Variants in TCERG1L observed in about 807,000 individuals in gnomAD.
TCERG1L encodes the protein transcription elongation regulator 1 like.
In TCERG1L, 37 loss-of-function variants were observed where a neutral mutation model predicts 56.3. The observed-to-expected ratio is 0.66, with a 90% confidence interval of 0.51 to 0.87. The LOEUF (loss-of-function observed/expected upper bound fraction) is 0.87, where lower values mean the gene tolerates loss of function less well. Among genes scored for constraint, TCERG1L ranks in the 40% least tolerant of loss-of-function variants. The pLI, the probability that TCERG1L is intolerant of heterozygous loss-of-function variation, is 0.00. For missense variants in TCERG1L, 799 were observed against 774.2 expected, an observed-to-expected ratio of 1.03 and a Z score of -0.38; for synonymous variants, 324 against 326.3, an observed-to-expected ratio of 0.99 and a Z score of 0.08.
At chr10:131,273,684 A>C (rs1846363726) in intron 3 of TCERG1L, among the ~76,000 whole-genome samples, 1 of 152,072 alleles carries the variant, frequency 6.6e-6, no homozygotes, top group Non-Finnish European at 1.5e-5. Flanking sequence ...GACGCTGCCC[A>C]CACCTACCCC....
intron 4 of TCERG1L, among the ~76,000 whole-genome samples, chr10:131,253,942 C>T (rs968081782): frequency 1.3e-5 from 2 of 151,906 alleles, no homozygotes; most frequent in African/African-American, 2.4e-5. Flanking sequence ...AGAGAATTGC[C>T]GGCGATGATA....
At chr10:131,205,599 G>T (rs752287738) in intron 4 of TCERG1L, among the ~76,000 whole-genome samples, 1 of 152,158 alleles carries the variant, frequency 6.6e-6, no homozygotes, top group Non-Finnish European at 1.5e-5. Context: ...CCCTGGGGAC[G>T]TGGAGGTAAA....
At chr10:131,115,053 A>G (rs537625317) in intron 9 of TCERG1L, among the ~76,000 whole-genome samples, 45 of 152,308 alleles carry the variant, frequency 3.0e-4, no homozygotes, top group African/African-American at 1.0e-3. Flanking sequence ...CTCTCGCCCA[A>G]TGACACCCCT....
At chr10:131,270,481 T>C (rs1014947530) in intron 3 of TCERG1L, among the ~76,000 whole-genome samples, 1 of 152,240 alleles carries the variant, frequency 6.6e-6, no homozygotes, top group Non-Finnish European at 1.5e-5. Context: ...CCAGAAATGC[T>C]ATCCCACAAG....
At chr10:131,231,514 G>A (rs1335905577) in intron 4 of TCERG1L, among the ~76,000 whole-genome samples, 1 of 152,126 alleles carries the variant, frequency 6.6e-6, no homozygotes, top group African/African-American at 2.4e-5. Flanking sequence ...CAGAGCTTGT[G>A]GCTCTGCCGA....
At chr10:131,299,970 T>C (rs1419751347) in intron 3 of TCERG1L, among the ~76,000 whole-genome samples, 1 of 152,190 alleles carries the variant, frequency 6.6e-6, no homozygotes, top group Admixed American at 6.5e-5. Context: ...CCTTAATGTA[T>C]TCCATCTCTA....
intron 4 of TCERG1L, among the ~76,000 whole-genome samples, chr10:131,250,364 T>C (rs1589761689): frequency 6.6e-6 from 1 of 152,256 alleles, no homozygotes; most frequent in South Asian, 2.1e-4. Flanking sequence ...TTTGCAGATG[T>C]TCAAGTGAGG....
At chr10:131,107,613 T>G (rs1845365782) in intron 9 of TCERG1L, among the ~76,000 whole-genome samples, 1 of 152,036 alleles carries the variant, frequency 6.6e-6, no homozygotes, top group African/African-American at 2.4e-5. Context: ...CTGACAGGTA[T>G]GGGGACGAGG....
chr10:131,094,027 G>T (rs11017714), intron 11 of TCERG1L, among the ~76,000 whole-genome samples: 2 of 152,310 alleles, frequency 1.3e-5, no homozygotes, highest in Admixed American at 1.3e-4. Flanking sequence ...GTGGTGCCCC[G>T]TAAGAAAATG....
In TCERG1L at chr10:131,260,391, T is replaced by C. The variant is rs1846224868; in HGVS notation, c.724A>G (p.Thr242Ala). 1.3e-6 allele frequency: 2 copies of C among 1,484,876 alleles called. No individual in the cohort carries two copies. Among genetic ancestry groups the C allele is most frequent in the East Asian group, 5.6e-5 (2 of 35,982 alleles). 92.0% of individuals were successfully genotyped at this position (1,484,876 alleles called of 1,614,324 possible). ...GAGACCATGGCAGCGGCGGCGGCGG[T>C]GGCGATGGCAATGGCGGGGCTGCTG... is the stretch of plus-strand genomic sequence containing the variant. ...VTSSPAIAIA[T>A]AAAAAMVSVD... Residue 242 changes from threonine (T) to alanine (A), a missense_variant, in exon 4 of 12, where the codon ACC (threonine) becomes GCC (alanine). Coordinates refer to ENST00000368642, the MANE Select transcript of TCERG1L (RefSeq NM_174937.4). This position sits in a 1 kb window ranked among gnomAD's most constrained non-coding sequence, Gnocchi z 5.8.
At chr10:131,259,511 C>T (rs555800246) in intron 4 of TCERG1L, among the ~76,000 whole-genome samples, 2 of 152,308 alleles carry the variant, frequency 1.3e-5, no homozygotes, top group African/African-American at 4.8e-5. Flanking sequence ...GTCTGGGTCA[C>T]GAAGCGTGCA....
intron 8 of TCERG1L, among the ~76,000 whole-genome samples, chr10:131,131,007 T>C (rs1307092720): frequency 6.6e-6 from 1 of 152,080 alleles, no homozygotes; most frequent in African/African-American, 2.4e-5. Context: ...GGAAGCAAAT[T>C]GGTGGGGCAT....
At chr10:131,245,611 C>T (rs1003732128) in intron 4 of TCERG1L, among the ~76,000 whole-genome samples, 5 of 152,174 alleles carry the variant, frequency 3.3e-5, no homozygotes, top group Non-Finnish European at 7.3e-5. Context: ...ACGTGTCCTG[C>T]CCACAGGCCG....
At position 131,288,418 on chromosome 10, in the gene TCERG1L, C is replaced by T. The variant is rs1846569458; in HGVS notation, c.670+19793G>A. Among the ~76,000 whole-genome samples, 4 of 152,100 alleles carry T rather than the reference C, an allele frequency of 2.6e-5. No individual in the cohort carries two copies. The South Asian group carries it at 8.3e-4, about 32-fold the overall frequency. On this transcript the variant is annotated intron_variant, in intron 3 of 11. Coordinates refer to ENST00000368642, the MANE Select transcript of TCERG1L (RefSeq NM_174937.4). ...TCTCCCACCCTCATCTCATTATGGT[C>T]ACGTGGATGCAGACCTTCAGGTGGG...
intron 4 of TCERG1L, among the ~76,000 whole-genome samples, chr10:131,195,762 G>A (rs1845354156): frequency 6.6e-6 from 1 of 152,160 alleles, no homozygotes; most frequent in Non-Finnish European, 1.5e-5. Context: ...GGACGCCCCT[G>A]CCATGGCCGG....
intron 4 of TCERG1L, among the ~76,000 whole-genome samples, chr10:131,180,777 A>C (rs1845165967): frequency 6.6e-6 from 1 of 152,180 alleles, no homozygotes; most frequent in Admixed American, 6.5e-5. Context: ...TAAATGCATG[A>C]TTAAGTATAT....
chr10:131,174,522 G>T (rs536656381), intron 4 of TCERG1L, among the ~76,000 whole-genome samples: 1 of 152,126 alleles, frequency 6.6e-6, no homozygotes, highest in African/African-American at 2.4e-5. Context: ...AGCTCCGCCC[G>T]CCTCTCCCTC....
rs1314530992 is a variant in TCERG1L at position 131,311,278 on chromosome 10, G to C, written c.342+16C>G. On this transcript the variant is annotated intron_variant, in intron 1 of 11. Transcript: ENST00000368642. The surrounding 1 kb of genome is among the most constrained non-coding windows in gnomAD (Gnocchi z 4.0). ...GAGACGGCGACCCGGGCCGAGGCGGGACGGGGACACGTTACCTGCCCGTGG... is the reference window on the plus strand; with the variant it reads ...GAGACGGCGACCCGGGCCGAGGCGGCACGGGGACACGTTACCTGCCCGTGG... 8.3e-7 allele frequency: 1 copy of C among 1,203,464 alleles called. No individual in the cohort carries two copies. Among genetic ancestry groups the C allele is most frequent in the Admixed American group, 4.4e-5 (1 of 22,642 alleles). The allele number at this position is 1,203,464 out of a possible 1,614,324, so 74.5% of individuals were successfully genotyped here.
Position 131,216,559 on chromosome 10 carries a change from A to C in TCERG1L, c.856+43700T>G, listed in dbSNP as rs144143651. 6.6e-5 allele frequency among the ~76,000 whole-genome samples: 10 copies of C among 152,354 alleles called. No homozygotes were observed. In the East Asian group the frequency reaches 1.9e-3, roughly 29 times the overall value. ...GAGGAAACTGAGTCTCCTCAGAGCC[A>C]GGAACAGGACAAGGACAAACTTTTC... On this transcript the variant is annotated intron_variant, in intron 4 of 11. Transcript: ENST00000368642.
Sources: gnomAD v4.1 joint callset for allele counts (sites outside exome capture counted in the v4.1 genomes callset) on GRCh38, gnomAD v4.1.1 for gene constraint, Gnocchi (gnomAD v3.1) non-coding constraint, MANE v1.5 for transcripts, NCBI Gene and HGNC (gene_info 2026-07-23, HGNC 2026-07-21) for gene names.